CRISPLD2: variants seen among roughly 807,000 people sequenced by gnomAD.
The protein encoded by CRISPLD2 is cysteine-rich secretory protein LCCL domain-containing 2.
In CRISPLD2, 47 loss-of-function variants were observed where a neutral mutation model predicts 71.1. That is an observed-to-expected ratio of 0.66 (90% CI 0.52 to 0.84). The LOEUF is 0.84. CRISPLD2 is among the 40% of genes least tolerant of loss of function. CRISPLD2 has a pLI of 0.00. For missense variants in CRISPLD2, 830 were observed against 651.1 expected (o/e 1.27, Z -2.99); for synonymous variants, 317 against 250.1 (o/e 1.27, Z -2.52).
intron 6 of CRISPLD2, among the ~76,000 whole-genome samples, chr16:84,856,152 T>C (rs963116253): frequency 2.0e-5 from 3 of 152,202 alleles, no homozygotes; most frequent in African/African-American, 4.8e-5. Flanking sequence ...GACCCAAACC[T>C]TCATTCCTAA....
intron 1 of CRISPLD2, among the ~76,000 whole-genome samples, chr16:84,836,830 CAT>C (rs1414129320): frequency 9.2e-5 from 14 of 152,292 alleles, no homozygotes; most frequent in Admixed American, 9.1e-4. Context: ...AGGGAGGACT[CAT>C]GTGAAGAACT....
At chr16:84,900,250 G>A (rs2071741582) in intron 14 of CRISPLD2, among the ~76,000 whole-genome samples, 1 of 152,008 alleles carries the variant, frequency 6.6e-6, no homozygotes, top group South Asian at 2.1e-4. Flanking sequence ...CCATGGAGAA[G>A]GGCTAAAAAA....
intron 13 of CRISPLD2, among the ~76,000 whole-genome samples, chr16:84,884,288 G>T (rs974689741): frequency 1.3e-5 from 2 of 151,958 alleles, no homozygotes; most frequent in Admixed American, 6.6e-5. Context: ...GAGCCCCCCT[G>T]CCCCTCAGTC....
At chr16:84,881,683 C>T (rs2071569784) in intron 13 of CRISPLD2, among the ~76,000 whole-genome samples, 1 of 151,996 alleles carries the variant, frequency 6.6e-6, no homozygotes, top group Admixed American at 6.6e-5. Flanking sequence ...ACTATGTTGC[C>T]CAGGCTGATC....
chr16:84,855,456 G>T (rs1465585582), intron 6 of CRISPLD2, among the ~76,000 whole-genome samples: 3 of 152,174 alleles, frequency 2.0e-5, no homozygotes, highest in African/African-American at 7.2e-5. Context: ...AAAGATGGAG[G>T]CTGCTCCCAG....
At chr16:84,896,040 C>CTT (rs540789413) in intron 14 of CRISPLD2, among the ~76,000 whole-genome samples, 123 of 140,278 alleles carry the variant, frequency 8.8e-4, no homozygotes, top group Non-Finnish European at 1.6e-3. Context: ...GATTGGAATC[C>CTT]TTTTTTTTTT....
chr16:84,846,317 A>G (rs1916913709), intron 3 of CRISPLD2, among the ~76,000 whole-genome samples: 1 of 150,436 alleles, frequency 6.6e-6, no homozygotes. Flanking sequence ...CAGTGGCGCA[A>G]TCTCGGCTCA....
At chr16:84,852,667 G>C (rs534131761) in intron 5 of CRISPLD2, among the ~76,000 whole-genome samples, 1 of 152,102 alleles carries the variant, frequency 6.6e-6, no homozygotes, top group Non-Finnish European at 1.5e-5. Context: ...TTGGGTGTGG[G>C]GGGGGTCAGA....
At chr16:84,901,213 C>T (rs2071751042) in intron 14 of CRISPLD2, among the ~76,000 whole-genome samples, 1 of 151,992 alleles carries the variant, frequency 6.6e-6, no homozygotes, top group African/African-American at 2.4e-5. Flanking sequence ...AAGCAAAGTG[C>T]AGAGTGGTAT....
At chr16:84,822,485 T>C (rs1292504576) in intron 1 of CRISPLD2, among the ~76,000 whole-genome samples, 1 of 152,186 alleles carries the variant, frequency 6.6e-6, no homozygotes, top group East Asian at 1.9e-4. Flanking sequence ...GTCACCAGCG[T>C]CATTTGCTGT....
chr16:84,838,804 C>T (rs1028930868), intron 2 of CRISPLD2, 69 bp downstream of exon 2: 2 of 1,543,570 alleles, frequency 1.3e-6, no homozygotes, highest in African/African-American at 1.4e-5. Flanking sequence ...CTGCTCTGTT[C>T]CCCAGCCAGC....
chr16:84,865,047 G>A (rs773425788), intron 6 of CRISPLD2, among the ~76,000 whole-genome samples: 1 of 152,194 alleles, frequency 6.6e-6, no homozygotes, highest in Admixed American at 6.5e-5. Flanking sequence ...TGGCTGTTTG[G>A]TATTGTGTGG....
intron 14 of CRISPLD2, among the ~76,000 whole-genome samples, chr16:84,898,529 C>T (rs2641668): frequency 0.4 from 60,131 of 152,066 alleles, 12,470 homozygotes; most frequent in East Asian, 0.64. Flanking sequence ...ACTGAAATGG[C>T]CCCTCCCTAG....
At chr16:84,821,981 C>G in intron 1 of CRISPLD2, among the ~76,000 whole-genome samples, 1 of 152,234 alleles carries the variant, frequency 6.6e-6, no homozygotes, top group East Asian at 1.9e-4. Context: ...TGGGCCCTGC[C>G]CCAGATTCTG....
intron 4 of CRISPLD2, 62 bp from the exon 5 acceptor site, chr16:84,850,506 A>C: frequency 7.1e-7 from 1 of 1,416,472 alleles, no homozygotes; most frequent in Non-Finnish European, 1.0e-6. Flanking sequence ...ATCCAGGCCA[A>C]ATGATATCAC....
intron 14 of CRISPLD2, among the ~76,000 whole-genome samples, chr16:84,902,025 C>T (rs1205996647): frequency 2.0e-5 from 3 of 151,604 alleles, no homozygotes; most frequent in Non-Finnish European, 2.9e-5. Flanking sequence ...TCTTGAACTC[C>T]TGATCTCAAG....
intron 3 of CRISPLD2, among the ~76,000 whole-genome samples, chr16:84,847,436 G>C (rs1916944629): frequency 6.6e-6 from 1 of 152,178 alleles, no homozygotes; most frequent in South Asian, 2.1e-4. Flanking sequence ...CAGAATACAA[G>C]GTCAGGAGTT....
Position 84,906,769 on chromosome 16 carries a change from T to C in CRISPLD2, c.*127T>C. 1 of 1,088,090 alleles carries C rather than the reference T, an allele frequency of 9.2e-7. No homozygotes were observed. Among genetic ancestry groups the C allele is most frequent in the Non-Finnish European group, 1.4e-6 (1 of 713,190 alleles). The allele number at this position is 1,088,090 out of a possible 1,614,324, so 67.4% of individuals were successfully genotyped here. On this transcript the variant is annotated 3_prime_UTR_variant, in exon 15 of 15. Transcript: ENST00000262424. Reference sequence around the variant, plus strand: ...TCCTTTGACTGATGTTCAGTGTCCATCACTTTGTGGCCTGTGGGTGAGGTG... The same window carrying C: ...TCCTTTGACTGATGTTCAGTGTCCACCACTTTGTGGCCTGTGGGTGAGGTG...
At chr16:84,848,648 C>G (rs1178489672) in intron 3 of CRISPLD2, among the ~76,000 whole-genome samples, 1 of 152,100 alleles carries the variant, frequency 6.6e-6, no homozygotes, top group Non-Finnish European at 1.5e-5. Context: ...GCCATGTCGG[C>G]CAGGCTGGTC....
Sources: allele counts gnomAD v4.1 joint callset (sites outside exome capture counted in the v4.1 genomes callset), GRCh38; gene constraint gnomAD v4.1.1; transcripts MANE v1.5; gene names NCBI Gene and HGNC (gene_info 2026-07-23, HGNC 2026-07-21).